The following PCDH15 variants were observed in gnomAD, a reference collection of about 807,000 sequenced individuals.
PCDH15 encodes the protein protocadherin-15.
In PCDH15, 129 loss-of-function variants were observed where a neutral mutation model predicts 178.5. The observed-to-expected ratio is 0.72, with a 90% CI of 0.63 to 0.84. The LOEUF (loss-of-function observed/expected upper bound fraction) is 0.84, where lower values mean the gene tolerates loss of function less well. Among genes scored for constraint, PCDH15 ranks in the 40% least tolerant of loss-of-function variants. The pLI is 0.00. For missense variants in PCDH15, 2,230 were observed against 2,099.9 expected (o/e 1.06, Z -1.21); for synonymous variants, 800 against 732.0 (o/e 1.09, Z -1.50).
At chr10:54,752,106 G>A (rs1272991860) in intron 1 of PCDH15, among the ~76,000 whole-genome samples, 8 of 152,140 alleles carry the variant, frequency 5.3e-5, no homozygotes, top group Non-Finnish European at 1.5e-5. Flanking sequence ...AGCTACATCT[G>A]TATTATCAGG....
intron 1 of PCDH15, among the ~76,000 whole-genome samples, chr10:54,728,398 T>C (rs1248455004): frequency 6.6e-6 from 1 of 151,402 alleles, no homozygotes; most frequent in Non-Finnish European, 1.5e-5. Flanking sequence ...CCCTTTATGG[T>C]ACACATCCTG....
At chr10:54,983,590 T>C (rs912310530) in intron 2 of PCDH15, among the ~76,000 whole-genome samples, 2 of 152,094 alleles carry the variant, frequency 1.3e-5, no homozygotes, top group Non-Finnish European at 2.9e-5. Context: ...TTAATTTCTA[T>C]CCCAAAGTTT....
intron 8 of PCDH15, among the ~76,000 whole-genome samples, chr10:54,240,663 G>T (rs181062393): frequency 8.8e-6 from 1 of 113,444 alleles, no homozygotes; most frequent in Non-Finnish European, 1.7e-5. Context: ...ACAGAGTATC[G>T]CTCTGTTGCC....
intron 3 of PCDH15, among the ~76,000 whole-genome samples, chr10:54,895,940 G>A (rs947186470): frequency 1.4e-5 from 2 of 145,178 alleles, no homozygotes; most frequent in Non-Finnish European, 3.2e-5. Context: ...AGGCTAGAGT[G>A]CAGTGGCACT....
chr10:54,939,882 C>A (rs1392393848), intron 2 of PCDH15, among the ~76,000 whole-genome samples: 1 of 152,108 alleles, frequency 6.6e-6, no homozygotes, highest in Non-Finnish European at 1.5e-5. Context: ...AGATCAGAGA[C>A]CTCATGACCT....
intron 8 of PCDH15, among the ~76,000 whole-genome samples, chr10:54,304,411 C>T (rs373088867): frequency 3.0e-4 from 45 of 151,942 alleles, no homozygotes; most frequent in African/African-American, 1.0e-3. Context: ...TTCCTGAAAC[C>T]TGATATTGAT....
chr10:55,087,641 T>C (rs886610391), intron 2 of PCDH15, among the ~76,000 whole-genome samples: 66 of 152,274 alleles, frequency 4.3e-4, no homozygotes, highest in African/African-American at 1.4e-3. Flanking sequence ...CAGACTGTTA[T>C]GGTAAACAGG....
chr10:54,062,244 A>C (rs1026495787), intron 18 of PCDH15, among the ~76,000 whole-genome samples: 45 of 144,464 alleles, frequency 3.1e-4, no homozygotes, highest in East Asian at 1.8e-3. Context: ...AAAAAAAAAA[A>C]AAAAAAAACA....
chr10:54,687,893 T>C (rs1408012662), intron 1 of PCDH15, among the ~76,000 whole-genome samples: 1 of 152,018 alleles, frequency 6.6e-6, no homozygotes, highest in Non-Finnish European at 1.5e-5. Flanking sequence ...TTCTGCAATA[T>C]ATAATACAAT....
At chr10:54,737,667 G>A (rs1003791058) in intron 1 of PCDH15, among the ~76,000 whole-genome samples, 2 of 151,604 alleles carry the variant, frequency 1.3e-5, no homozygotes, top group Non-Finnish European at 2.9e-5. Flanking sequence ...GCATAAATTT[G>A]ATGACATTTA....
chr10:54,074,871 GTT>G (rs2094311475), intron 17 of PCDH15, among the ~76,000 whole-genome samples: 1 of 149,282 alleles, frequency 6.7e-6, no homozygotes, highest in African/African-American at 2.6e-5. Context: ...TGTTGTTGTT[GTT>G]TTGTTTTGTT....
At chr10:54,019,864 A>T (rs966814320) in intron 20 of PCDH15, among the ~76,000 whole-genome samples, 1 of 152,018 alleles carries the variant, frequency 6.6e-6, no homozygotes, top group African/African-American at 2.4e-5. Context: ...TGTACCAAAT[A>T]ATTATGCCTG....
chr10:53,927,664 T>A (rs2084685672), intron 25 of PCDH15, among the ~76,000 whole-genome samples: 1 of 152,136 alleles, frequency 6.6e-6, no homozygotes, highest in South Asian at 2.1e-4. Flanking sequence ...AATTCTGTAT[T>A]GTGCAGGAAA....
At chr10:54,613,647 A>T (rs966994613) in intron 2 of PCDH15, among the ~76,000 whole-genome samples, 11 of 151,754 alleles carry the variant, frequency 7.2e-5, no homozygotes, top group African/African-American at 2.7e-4. Context: ...GAACAATCTG[A>T]AGACAATTAA....
At chr10:55,558,088 G>A (rs981544989) in intron 2 of PCDH15, among the ~76,000 whole-genome samples, 4 of 152,042 alleles carry the variant, frequency 2.6e-5, no homozygotes, top group African/African-American at 4.8e-5. Context: ...ATGGCCTAGT[G>A]CTGGCATAAT....
intron 2 of PCDH15, among the ~76,000 whole-genome samples, chr10:55,326,428 T>G (rs1177597299): frequency 6.6e-6 from 1 of 152,084 alleles, no homozygotes; most frequent in Admixed American, 6.6e-5. Context: ...TCAGTTCTTT[T>G]AAGGATCATG....
chr10:54,977,294 AG>A (rs1464448293), intron 2 of PCDH15, among the ~76,000 whole-genome samples: 2 of 152,158 alleles, frequency 1.3e-5, no homozygotes. Context: ...CATAAGACAC[AG>A]GTCATAAGAT....
chr10:55,403,522 TC>T (rs1838124636), intron 2 of PCDH15, among the ~76,000 whole-genome samples: 1 of 151,964 alleles, frequency 6.6e-6, no homozygotes, highest in African/African-American at 2.4e-5. Flanking sequence ...TAATTTTTAA[TC>T]TATTTGAGTT....
At chr10:54,403,219 T>C (rs1952165974) in intron 3 of PCDH15, among the ~76,000 whole-genome samples, 1 of 151,994 alleles carries the variant, frequency 6.6e-6, no homozygotes, top group Non-Finnish European at 1.5e-5. Context: ...TCTACATAGC[T>C]ATGAAGGCTG....
Sources: allele counts gnomAD v4.1 joint callset (sites outside exome capture counted in the v4.1 genomes callset), GRCh38; gene constraint gnomAD v4.1.1; transcripts MANE v1.5; gene names NCBI Gene and HGNC (gene_info 2026-07-23, HGNC 2026-07-21).